The following THEMIS variants were observed in gnomAD, a reference collection of about 807,000 sequenced individuals.
The protein encoded by THEMIS is protein THEMIS.
In THEMIS, 37 loss-of-function variants were observed where a neutral mutation model predicts 52.6. The observed-to-expected ratio is 0.70, with a 90% CI of 0.54 to 0.93. The LOEUF (loss-of-function observed/expected upper bound fraction) is 0.93, where lower values mean the gene tolerates loss of function less well. Among genes scored for constraint, THEMIS ranks in the 40% least tolerant of loss-of-function variants. The pLI is 0.00. For synonymous variants in THEMIS, 292 were observed against 272.7 expected (o/e 1.07, Z -0.70); for missense variants, 808 against 763.1 (o/e 1.06, Z -0.69).
At chr6:127,820,288 G>C (rs1419236290) in intron 3 of THEMIS, among the ~76,000 whole-genome samples, 2 of 151,948 alleles carry the variant, frequency 1.3e-5, no homozygotes, top group Admixed American at 1.3e-4. Context: ...TTTATGAAAG[G>C]CATGGCCACA....
intron 5 of THEMIS, among the ~76,000 whole-genome samples, chr6:127,718,813 G>T (rs568934566): frequency 6.6e-6 from 1 of 151,916 alleles, no homozygotes; most frequent in African/African-American, 2.4e-5. Context: ...AAAGCTCTAT[G>T]GGACTTTTTT....
At chr6:127,789,128 A>G (rs1216991224) in intron 4 of THEMIS, among the ~76,000 whole-genome samples, 1 of 152,132 alleles carries the variant, frequency 6.6e-6, no homozygotes, top group Non-Finnish European at 1.5e-5. Flanking sequence ...TAGATAGACC[A>G]CTAGCCAGAC....
intron 1 of THEMIS, among the ~76,000 whole-genome samples, chr6:127,881,446 G>T (rs1780482550): frequency 1.3e-5 from 2 of 151,844 alleles, no homozygotes. Flanking sequence ...TATATTTATA[G>T]GATTATAGGA....
At chr6:127,699,993 C>A in the THEMIS span, among the ~76,000 whole-genome samples, 2 of 151,644 alleles carry the variant, frequency 1.3e-5, no homozygotes, top group Non-Finnish European at 3.0e-5. Context: ...TTTTAACAGA[C>A]TATTTTAAGA....
intron 4 of THEMIS, among the ~76,000 whole-genome samples, chr6:127,744,574 T>C (rs150266720): frequency 1.3e-5 from 2 of 152,056 alleles, no homozygotes; most frequent in East Asian, 3.9e-4. Flanking sequence ...AATAAGTCAG[T>C]CACAGAAGGA....
chr6:127,840,654 T>C (rs537181964), intron 2 of THEMIS, among the ~76,000 whole-genome samples: 21 of 152,128 alleles, frequency 1.4e-4, no homozygotes, highest in Admixed American at 3.3e-4. Context: ...TGCACATGAA[T>C]GTTTATAGCA....
intron 4 of THEMIS, among the ~76,000 whole-genome samples, chr6:127,799,553 ATCTTTCTTTCTTTCTTTCTTTCTTTCTT>A: frequency 6.9e-6 from 1 of 144,498 alleles, no homozygotes; most frequent in Non-Finnish European, 1.5e-5. Flanking sequence ...CTTTCTTTCT[ATCTTTCTTTCTTTCTTTCTTTCTTTCTT>A]TCTTTTTTTC....
intron 4 of THEMIS, among the ~76,000 whole-genome samples, chr6:127,751,957 A>G (rs1775658545): frequency 6.6e-6 from 1 of 151,724 alleles, no homozygotes; most frequent in Non-Finnish European, 1.5e-5. Flanking sequence ...CCACAAAACA[A>G]GTCTTAATAA....
intron 4 of THEMIS, among the ~76,000 whole-genome samples, chr6:127,744,782 A>T (rs773368133): frequency 6.6e-5 from 10 of 151,886 alleles, no homozygotes; most frequent in Admixed American, 4.6e-4. Context: ...TAACGATACA[A>T]TCCTGTGCAT....
intron 1 of THEMIS, among the ~76,000 whole-genome samples, chr6:127,871,939 T>C (rs1221260340): frequency 6.6e-6 from 1 of 152,156 alleles, no homozygotes; most frequent in African/African-American, 2.4e-5. Context: ...TACTCACCAA[T>C]TTAGCTAGTG....
At chr6:127,834,201 T>C (rs1279360729) in intron 2 of THEMIS, among the ~76,000 whole-genome samples, 1 of 152,120 alleles carries the variant, frequency 6.6e-6, no homozygotes, top group East Asian at 1.9e-4. Context: ...TCTAAGATGG[T>C]GAGGAAGTTT....
intron 1 of THEMIS, among the ~76,000 whole-genome samples, chr6:127,893,864 C>CA (rs1280361209): frequency 6.6e-6 from 1 of 151,158 alleles, no homozygotes; most frequent in Non-Finnish European, 1.5e-5. Context: ...CCACATAAAA[C>CA]AAAAAATAGA....
intron 4 of THEMIS, among the ~76,000 whole-genome samples, chr6:127,761,201 A>G (rs1017586201): frequency 6.6e-6 from 1 of 152,114 alleles, no homozygotes; most frequent in African/African-American, 2.4e-5. Flanking sequence ...AAAAATCAAA[A>G]GCCAAGTGTT....
chr6:127,703,035 G>GGTTTTTTTTTGTTT, the THEMIS span, among the ~76,000 whole-genome samples: 1 of 82,352 alleles, frequency 1.2e-5, no homozygotes. Flanking sequence ...TTTAGAATGA[G>GGTTTTTTTTTGTTT]TTTTTTTTTT....
At chr6:127,805,655 T>A (rs1291660776) in intron 4 of THEMIS, among the ~76,000 whole-genome samples, 2 of 152,082 alleles carry the variant, frequency 1.3e-5, no homozygotes, top group African/African-American at 4.8e-5. Context: ...GTCCTAATAT[T>A]TATCCAGGAA....
the THEMIS span, among the ~76,000 whole-genome samples, chr6:127,702,619 T>TG: frequency 1.2e-4 from 9 of 75,108 alleles, no homozygotes; most frequent in Non-Finnish European, 3.3e-4. Context: ...CTAACCTGTT[T>TG]TTTTTTTTTT....
chr6:127,751,145 A>C (rs1209680988), intron 4 of THEMIS, among the ~76,000 whole-genome samples: 1 of 151,796 alleles, frequency 6.6e-6, no homozygotes, highest in Non-Finnish European at 1.5e-5. Flanking sequence ...ATTAAAAGTA[A>C]CTATAGCTAT....
rs111727278 is a variant in THEMIS at position 127,899,903 on chromosome 6, T to TTATA, written c.91+935_91+938dup. ...ACCTGCAAGTATGTGTGTGTATATT[T>TTATA]TATATATATATATATATATATAATA... On this transcript the variant is annotated intron_variant, in intron 1 of 5. Transcript: ENST00000368248. Among the ~76,000 whole-genome samples, 1,415 of 144,510 alleles carry TTATA rather than the reference T, an allele frequency of 9.8e-3. 25 individuals are homozygous for TTATA. The highest frequency in any genetic ancestry group is 0.033 in the African/African-American group (1,327 of 39,776). 94.8% of individuals were successfully genotyped at this position (144,510 alleles called of 152,430 possible).
chr6:127,902,338 A>T (rs559939761), upstream of THEMIS, among the ~76,000 whole-genome samples: 3,629 of 148,830 alleles, frequency 0.024, 142 homozygotes, highest in African/African-American at 0.083. Context: ...AAAAAAAAAA[A>T]AAAAAAATAA....
Sources: gnomAD v4.1 joint callset for allele counts (sites outside exome capture counted in the v4.1 genomes callset) on GRCh38, gnomAD v4.1.1 for gene constraint, MANE v1.5 for transcripts, NCBI Gene and HGNC (gene_info 2026-07-23, HGNC 2026-07-21) for gene names.